KCTD8: variants seen among roughly 807,000 people sequenced by gnomAD.
KCTD8 encodes the protein potassium channel tetramerization domain containing 8.
KCTD8 carries 27 observed loss-of-function variants against 31.5 expected under a neutral mutation model. That is an observed-to-expected ratio of 0.86 (90% CI 0.63 to 1.18). KCTD8 has a LOEUF of 1.18. KCTD8 is among the 50% of genes most tolerant of loss of function. The pLI is 0.00. For missense variants in KCTD8, 658 were observed against 647.7 expected (o/e 1.02, Z -0.17); for synonymous variants, 290 against 280.0 (o/e 1.04, Z -0.36).
intron 1 of KCTD8, among the ~76,000 whole-genome samples, chr4:44,339,734 C>T (rs544871311): frequency 2.6e-5 from 4 of 152,154 alleles, no homozygotes; most frequent in Non-Finnish European, 5.9e-5. Context: ...TGAGAAGGAA[C>T]ATACACCAAG....
chr4:44,390,371 A>C (rs915981613), intron 1 of KCTD8, among the ~76,000 whole-genome samples: 2 of 152,064 alleles, frequency 1.3e-5, no homozygotes, highest in African/African-American at 4.8e-5. Context: ...CAATTATCCC[A>C]GCACCATTTG....
chr4:44,237,997 C>T (rs1049207881), intron 1 of KCTD8, among the ~76,000 whole-genome samples: 1 of 152,190 alleles, frequency 6.6e-6, no homozygotes, highest in African/African-American at 2.4e-5. Flanking sequence ...AAGAAGCAAA[C>T]TTCCACTATA....
intron 1 of KCTD8, among the ~76,000 whole-genome samples, chr4:44,175,627 C>G (rs1713192888): frequency 2.0e-5 from 3 of 152,126 alleles, no homozygotes; most frequent in Non-Finnish European, 1.5e-5. Flanking sequence ...TTGTTAGACA[C>G]TTAGCTCATT....
At chr4:44,178,930 G>T (rs1399384925) in intron 1 of KCTD8, among the ~76,000 whole-genome samples, 1 of 152,194 alleles carries the variant, frequency 6.6e-6, no homozygotes, top group Non-Finnish European at 1.5e-5. Flanking sequence ...CCCACCATGT[G>T]CCAGACATAG....
chr4:44,362,769 A>ATT (rs752532331), intron 1 of KCTD8, among the ~76,000 whole-genome samples: 1 of 143,530 alleles, frequency 7.0e-6, no homozygotes, highest in Non-Finnish European at 1.5e-5. Context: ...GTTAAAGGTA[A>ATT]TTTTTTTTTT....
rs1350911574 is a variant in KCTD8 at position 44,247,311 on chromosome 4, T to C, written c.962-72061A>G. Among the ~76,000 whole-genome samples, 3 of 152,168 alleles carry C rather than the reference T, an allele frequency of 2.0e-5. No individual in the cohort carries two copies. In the East Asian group the frequency reaches 5.8e-4, roughly 29 times the overall value. On this transcript the variant is annotated intron_variant, in intron 1 of 1. Transcript: ENST00000360029. Reference sequence around the variant, plus strand: ...TTTTTGGTGATCCACATTTTCCCCATGCAATTAATCACTCCTAATAGTTCC... The same window carrying C: ...TTTTTGGTGATCCACATTTTCCCCACGCAATTAATCACTCCTAATAGTTCC...
At chr4:44,368,577 C>G (rs947121789) in intron 1 of KCTD8, among the ~76,000 whole-genome samples, 1 of 151,996 alleles carries the variant, frequency 6.6e-6, no homozygotes, top group Non-Finnish European at 1.5e-5. Flanking sequence ...CTTTAGATCC[C>G]CTGACTGTTG....
chr4:44,352,383 G>C (rs1299998979), intron 1 of KCTD8, among the ~76,000 whole-genome samples: 1 of 150,776 alleles, frequency 6.6e-6, no homozygotes, highest in Non-Finnish European at 1.5e-5. Context: ...TAAAAGGAAA[G>C]ACACATTAAA....
intron 1 of KCTD8, among the ~76,000 whole-genome samples, chr4:44,441,516 A>C (rs1721810431): frequency 1.3e-5 from 2 of 152,152 alleles, no homozygotes; most frequent in Admixed American, 6.5e-5. Flanking sequence ...TTTTGCTTAT[A>C]AACAGAAGTT....
intron 1 of KCTD8, among the ~76,000 whole-genome samples, chr4:44,320,949 G>C (rs1015280948): frequency 3.9e-5 from 6 of 152,124 alleles, no homozygotes; most frequent in Non-Finnish European, 7.4e-5. Context: ...GAGAGGAGAA[G>C]CCTGATAGTG....
intron 1 of KCTD8, chr4:44,293,530 G>A (rs750245304): frequency 2.4e-6 from 1 of 422,974 alleles, no homozygotes; most frequent in South Asian, 1.7e-5. Flanking sequence ...AGCACACAGA[G>A]GACACAAAGA....
At chr4:44,335,781 G>A (rs1223754389) in intron 1 of KCTD8, among the ~76,000 whole-genome samples, 2 of 152,102 alleles carry the variant, frequency 1.3e-5, no homozygotes, top group Admixed American at 6.5e-5. Context: ...TGATTTTCTA[G>A]AGAGTGCAAA....
intron 1 of KCTD8, among the ~76,000 whole-genome samples, chr4:44,242,735 T>C (rs1715542600): frequency 6.6e-6 from 1 of 152,140 alleles, no homozygotes; most frequent in South Asian, 2.1e-4. Context: ...TTCTCATGAA[T>C]GGTTTAGCAC....
chr4:44,402,088 C>A (rs1242088102), intron 1 of KCTD8, among the ~76,000 whole-genome samples: 1 of 152,062 alleles, frequency 6.6e-6, no homozygotes, highest in African/African-American at 2.4e-5. Flanking sequence ...ACTGAATTCA[C>A]AAAGGTAAAG....
intron 1 of KCTD8, among the ~76,000 whole-genome samples, chr4:44,269,734 A>G (rs1441149074): frequency 6.6e-6 from 1 of 152,046 alleles, no homozygotes; most frequent in Non-Finnish European, 1.5e-5. Flanking sequence ...GGCAAAGGAT[A>G]TGAACAGACA....
In KCTD8 at chr4:44,447,686, A is replaced by G. The variant is rs1721978334; in HGVS notation, c.838T>C (p.Phe280Leu). Residue 280 changes from phenylalanine to leucine, a missense_variant, in exon 1 of 2, where the codon TTT (phenylalanine) becomes CTT (leucine). By Grantham distance (22) the Phe-to-Leu change is conservative. Coordinates refer to ENST00000360029, the MANE Select transcript of KCTD8 (RefSeq NM_198353.3). Reference sequence around the variant, plus strand: ...AAGCCGGCCTCGGACAGGCGATCAAAGGCCTGCTCCAAGTAGGTGAACTTG... The same window carrying G: ...AAGCCGGCCTCGGACAGGCGATCAAGGGCCTGCTCCAAGTAGGTGAACTTG... ...YLKFTYLEQA[F>L]DRLSEAGFHM... is the part of the protein sequence containing the mutation. 1 of 1,612,522 alleles carries G rather than the reference A, an allele frequency of 6.2e-7. No individual in the cohort carries two copies. Among genetic ancestry groups the G allele is most frequent in the Non-Finnish European group, 8.5e-7 (1 of 1,179,402 alleles).
intron 1 of KCTD8, among the ~76,000 whole-genome samples, chr4:44,223,050 G>A (rs1303771177): frequency 6.6e-6 from 1 of 152,164 alleles, no homozygotes; most frequent in Non-Finnish European, 1.5e-5. Context: ...AATGCAAGAA[G>A]GGCAATATTG....
At chr4:44,436,978 C>T (rs1002165232) in intron 1 of KCTD8, among the ~76,000 whole-genome samples, 5 of 151,684 alleles carry the variant, frequency 3.3e-5, no homozygotes, top group African/African-American at 1.2e-4. Context: ...GCCTTCAACC[C>T]TAAATATTAC....
intron 1 of KCTD8, among the ~76,000 whole-genome samples, chr4:44,336,512 T>C (rs1944201244): frequency 6.6e-6 from 1 of 152,068 alleles, no homozygotes; most frequent in Non-Finnish European, 1.5e-5. Context: ...AAGGCACCTG[T>C]ATCAAAATTA....
Sources: allele counts gnomAD v4.1 joint callset (sites outside exome capture counted in the v4.1 genomes callset), GRCh38; gene constraint gnomAD v4.1.1; transcripts MANE v1.5; gene names NCBI Gene and HGNC (gene_info 2026-07-23, HGNC 2026-07-21).